Variants in TEP1 observed in about 807,000 individuals in gnomAD.
TEP1 encodes telomerase protein component 1.
Under a neutral mutation model 306.3 loss-of-function variants are expected in TEP1, and 241 were observed. The ratio of observed to expected loss-of-function variants is 0.79; its 90% CI spans 0.71 to 0.88. The LOEUF is 0.88. Ranked by LOEUF, TEP1 falls within the 40% of genes least tolerant of loss-of-function variation. The probability of loss-of-function intolerance (pLI) is 0.00; values close to 1 mark genes in which losing one functional copy is unlikely to be tolerated. For synonymous variants in TEP1, 1,289 were observed against 1,305.5 expected (o/e 0.99, Z 0.27); for missense variants, 3,051 against 3,276.1 (o/e 0.93, Z 1.68).
At chr14:20,391,440 C>T (rs953114479) in intron 13 of TEP1, among the ~76,000 whole-genome samples, 159 bp downstream of exon 13, 7 of 152,132 alleles carry the variant, frequency 4.6e-5, no homozygotes, top group Non-Finnish European at 2.9e-5. Flanking sequence ...CTAGGAATTG[C>T]CCCTAGGAAC....
rs766068562 is a variant in TEP1, at chr14:20,371,238, G to A, written c.7297C>T (p.Pro2433Ser). ...YGIFVLQPKD[P>S]GVLSFLRQKE... ...CTTACCAAGAAAGAAAGAACTCCAG[G>A]ATCCTTGGGCTGCAGGACAAATATG... Residue 2433 changes from proline to serine, a missense_variant, in exon 51 of 55, where the codon CCT becomes TCT. Physicochemically the swap from Pro to Ser is moderately conservative, Grantham distance 74. Around this residue, in one of 3 missense-constraint regions of TEP1, gnomAD observed 1,540 missense variants for 1,705.9 expected, o/e 0.90. Coordinates refer to ENST00000262715, the MANE Select transcript of TEP1 (RefSeq NM_007110.5). 1.2e-6 allele frequency: 2 copies of A among 1,614,110 alleles called. No individual in the cohort carries two copies. The highest frequency in any genetic ancestry group is 8.5e-7 in the Non-Finnish European group (1 of 1,179,942).
In TEP1 at chr14:20,373,402, C is replaced by T. The variant is rs764445669; in HGVS notation, c.6682G>A (p.Val2228Met). The T allele has an allele frequency of 1.2e-6, 2 of 1,614,066 alleles. No homozygotes were observed. The highest frequency in any genetic ancestry group is 1.7e-6 in the Non-Finnish European group (2 of 1,180,002). Reference sequence around the variant, plus strand: ...CCCAGGAGGGTGTGGGTTTGGCACACCTAGGAGGAAGGGATGGAGATGGGC... The same window carrying T: ...CCCAGGAGGGTGTGGGTTTGGCACATCTAGGAGGAAGGGATGGAGATGGGC... ...GATRLWHPLLVCQTHTLLGHS... is the reference protein window; with the variant it reads ...GATRLWHPLLMCQTHTLLGHS... Residue 2228 changes from valine (V) to methionine (M), a missense_variant and splice_region_variant, in exon 47 of 55, where the codon GTG becomes ATG. By Grantham distance (21) the Val-to-Met change is conservative (BLOSUM62 1). Transcript: ENST00000262715.
rs1879390667 is a variant in TEP1 at position 20,408,502 on chromosome 14, C to T, written c.-24-39G>A. 4.7e-6 allele frequency: 7 copies of T among 1,503,556 alleles called. No individual in the cohort carries two copies. The Admixed American group carries it at 5.6e-5, about 12-fold the overall frequency. 93.1% of individuals were successfully genotyped at this position (1,503,556 alleles called of 1,614,324 possible). Reference sequence around the variant, plus strand: ...AAGACAGGAGATGAGCACCTGGCTGCACTGAGCGTGTATTTGCATGAGAGC... The same window carrying T: ...AAGACAGGAGATGAGCACCTGGCTGTACTGAGCGTGTATTTGCATGAGAGC... On this transcript the variant is annotated intron_variant, in intron 1 of 54. Coordinates refer to ENST00000262715, the MANE Select transcript of TEP1 (RefSeq NM_007110.5).
In TEP1 at chr14:20,404,807, C is replaced by A; in HGVS notation, c.871-35G>T. 1.9e-6 allele frequency: 3 copies of A among 1,569,502 alleles called. No individual in the cohort carries two copies. In the South Asian group the frequency reaches 3.6e-5, roughly 19 times the overall value. On this transcript the variant is annotated intron_variant, in intron 4 of 54. Transcript: ENST00000262715. ...AGGGTGAGAGGACTAGAATCTCAGTCACTCCTCCCGTAGCTTTCTGCCCTG... is the reference window on the plus strand; with the variant it reads ...AGGGTGAGAGGACTAGAATCTCAGTAACTCCTCCCGTAGCTTTCTGCCCTG...
chr14:20,390,878 G>T, intron 14 of TEP1, 60 bp downstream of exon 14: 1 of 1,611,656 alleles, frequency 6.2e-7, no homozygotes. Flanking sequence ...CAAATATCTG[G>T]GCTATTCCCA....
intron 10 of TEP1, 38 bp from the exon 11 acceptor site, chr14:20,395,987 G>T: frequency 6.4e-7 from 1 of 1,566,400 alleles, no homozygotes; most frequent in African/African-American, 1.3e-5. Flanking sequence ...GAGCACAGGA[G>T]CCGGGAGTAT....
In TEP1 at chr14:20,408,247, G is replaced by A. The variant is rs1249964620; in HGVS notation, c.193C>T (p.His65Tyr). 1.2e-5 allele frequency: 20 copies of A among 1,613,720 alleles called. No individual in the cohort carries two copies. The highest frequency in any genetic ancestry group is 1.7e-5 in the Admixed American group (1 of 60,010). ...LPDLKTMEKP[H>Y]GYVSAHPDIL... ...TCTGGGTGGGCAGACACATATCCATGTGGTTTTTCCATGGTCTTCAGGTCA... is the reference window on the plus strand; with the variant it reads ...TCTGGGTGGGCAGACACATATCCATATGGTTTTTCCATGGTCTTCAGGTCA... The change falls in exon 2 of 55, where the codon CAT (histidine) becomes TAT (tyrosine). Residue 65 changes from histidine to tyrosine, a missense_variant. Around this residue, in one of 3 missense-constraint regions of TEP1, gnomAD observed 1,507 missense variants for 1,550.5 expected, o/e 0.97. Transcript: ENST00000262715.
chr14:20,388,250 T>TGA (rs1877376788), intron 17 of TEP1, among the ~76,000 whole-genome samples, 187 bp from the exon 18 acceptor site: 1 of 152,088 alleles, frequency 6.6e-6, no homozygotes, highest in Admixed American at 6.5e-5. Flanking sequence ...ACCACAGGAA[T>TGA]GAAGGAAAAG....
Position 20,382,666 on chromosome 14 carries a change from C to T in TEP1, c.4097G>A (p.Arg1366His), listed in dbSNP as rs751465522. The T allele has an allele frequency of 2.6e-5, 42 of 1,613,936 alleles. No individual in the cohort carries two copies. Among genetic ancestry groups the T allele is most frequent in the African/African-American group, 1.6e-4 (12 of 74,874 alleles). The change falls in exon 28 of 55, where the codon CGC (arginine) becomes CAC (histidine). Residue 1366 changes from arginine to histidine, a missense_variant. This residue lies in a region of TEP1 where 1,540 missense variants were observed against 1,705.9 expected (regional missense o/e 0.90). Transcript: ENST00000262715. The part of the protein sequence containing the change: ...KRESGRPLYL[R>H]LVTDHLRLFT... ...GAGCCTCAGGTGATCGGTGACCAAG[C>T]GCAGGTAGAGCGGCCGGCCTGATTC...
chr14:20,388,802 T>G (rs1278360141), intron 17 of TEP1, among the ~76,000 whole-genome samples: 1 of 152,166 alleles, frequency 6.6e-6, no homozygotes, highest in East Asian at 1.9e-4. Flanking sequence ...GACACTGTGT[T>G]GCTGCTATGC....
rs780380429 is a variant in TEP1, at chr14:20,371,618, C to T, written c.7091G>A (p.Arg2364Gln). Residue 2364 changes from arginine to glutamine, a missense_variant, in exon 50 of 55, where the codon CGA (arginine) becomes CAA (glutamine). Transcript: ENST00000262715. Reference protein sequence around the residue: ...APGNLSLHLNRILQEDLGVLT... With the variant: ...APGNLSLHLNQILQEDLGVLT... ...CACCCCTAAGTCCTCCTGTAGAATT[C>T]GGTTCAGGTGAAGACTAGCTCAAAA... 92 of 1,578,478 alleles carry T rather than the reference C, an allele frequency of 5.8e-5. No individual in the cohort carries two copies. Among genetic ancestry groups the T allele is most frequent in the Admixed American group, 5.3e-4 (25 of 46,740 alleles).
Position 20,372,625 on chromosome 14 carries a change from T to A in TEP1, c.7076+108A>T. 7 of 1,517,232 alleles carry A rather than the reference T, an allele frequency of 4.6e-6. No individual in the cohort carries two copies. The South Asian group carries it at 8.2e-5, about 18-fold the overall frequency. 94.0% of individuals were successfully genotyped at this position (1,517,232 alleles called of 1,614,324 possible). A position where few individuals can be genotyped will look rare whatever the true frequency, so the allele number is the denominator to read the frequency against. On this transcript the variant is annotated intron_variant, in intron 49 of 54. Transcript: ENST00000262715. Reference sequence around the variant, plus strand: ...AGAAAATAATGTCCCACTCAGTAACTAACATCCAATTGACCTAGTTCAGAA... The same window carrying A: ...AGAAAATAATGTCCCACTCAGTAACAAACATCCAATTGACCTAGTTCAGAA...
intron 1 of TEP1, among the ~76,000 whole-genome samples, chr14:20,409,786 C>G (rs562815203): frequency 2.0e-5 from 3 of 151,804 alleles, no homozygotes; most frequent in Non-Finnish European, 4.4e-5. Context: ...TTTGGGAGGC[C>G]GAGGCGGGCG....
chr14:20,371,358 G>C, intron 50 of TEP1, 44 bp from the exon 51 acceptor site: 2 of 1,602,084 alleles, frequency 1.2e-6, no homozygotes, highest in Non-Finnish European at 1.7e-6. Flanking sequence ...GATTTAAAGA[G>C]AGGTAAAGAG....
chr14:20,384,701 A>C lies in TEP1; in HGVS notation c.3120T>G (p.Asp1040Glu). 6.2e-7 allele frequency: 1 copy of C among 1,611,344 alleles called. No homozygotes were observed. Among genetic ancestry groups the C allele is most frequent in the Non-Finnish European group, 8.5e-7 (1 of 1,179,998 alleles). ...CAGAAACAAAGTCAGATTTCCAGGC[A>C]TCTGGCACAGAGCTGACCACCAAAG... ...RDSSFLSSVPDAWKSDFVSES... is the reference protein window; with the variant it reads ...RDSSFLSSVPEAWKSDFVSES... The change falls in exon 22 of 55, where the codon GAT (aspartate) becomes GAG (glutamate). Residue 1040 changes from aspartate to glutamate, a missense_variant. Physicochemically the swap from Asp to Glu is conservative, Grantham distance 45. Coordinates refer to ENST00000262715, the MANE Select transcript of TEP1 (RefSeq NM_007110.5).
At position 20,412,625 on chromosome 14, in the gene TEP1, A is replaced by G. The variant is rs183705624; in HGVS notation, c.-25+780T>C. ...ATAAGTTAGATGCTATTCTGCACTT[A>G]GTATATCTCAGAGACCTTGCCCTGT... On this transcript the variant is annotated intron_variant, in intron 1 of 54. Transcript: ENST00000262715. Among the ~76,000 whole-genome samples the G allele has an allele frequency of 5.6e-4, 85 of 150,810 alleles. 1 individual carries two copies. In the Middle Eastern group the frequency reaches 0.014, roughly 25 times the overall value.
At chr14:20,377,861 T>A in intron 39 of TEP1, 108 bp from the exon 40 acceptor site, 2 of 1,496,420 alleles carry the variant, frequency 1.3e-6, no homozygotes, top group South Asian at 2.4e-5. Context: ...GAGACTCTTC[T>A]CATGAGAGCT....
chr14:20,372,427 C>A (rs910428113), intron 49 of TEP1, among the ~76,000 whole-genome samples: 8 of 149,316 alleles, frequency 5.4e-5, no homozygotes, highest in Non-Finnish European at 8.9e-5. Context: ...TTCATTATAG[C>A]ACTAGTCAGT....
At position 20,407,987 on chromosome 14, in the gene TEP1, G is replaced by C; in HGVS notation, c.453C>G (p.Leu151=). 6.2e-7 allele frequency: 1 copy of C among 1,614,220 alleles called. No individual in the cohort carries two copies. The highest frequency in any genetic ancestry group is 1.7e-5 in the Admixed American group (1 of 60,030). The change falls in exon 2 of 55, where the codon CTC becomes CTG. Residue 151 remains leucine, a synonymous_variant. Coordinates refer to ENST00000262715, the MANE Select transcript of TEP1 (RefSeq NM_007110.5). ...GAGCCCTCCAACTTGGAGGCTCAGAGAGCAGGCAATTGCTGTTGTTCACAC... is the reference window on the plus strand; with the variant it reads ...GAGCCCTCCAACTTGGAGGCTCAGACAGCAGGCAATTGCTGTTGTTCACAC... ...LYRVNNSNCL[L]SEPPSWRAQH... is the part of the protein sequence containing the mutation.
Sources: allele counts gnomAD v4.1 joint callset (sites outside exome capture counted in the v4.1 genomes callset), GRCh38; gene constraint gnomAD v4.1.1; regional missense constraint gnomAD v4.1.1; transcripts MANE v1.5; gene names NCBI Gene and HGNC (gene_info 2026-07-23, HGNC 2026-07-21).